Variants in TRPC4 observed in about 807,000 individuals in gnomAD.
TRPC4 encodes transient receptor potential cation channel subfamily C member 4, also known as short transient receptor potential channel 4.
TRPC4 carries 49 observed loss-of-function variants against 99.4 expected under a neutral mutation model. The ratio of observed to expected loss-of-function variants is 0.49; its 90% confidence interval spans 0.39 to 0.63. The LOEUF is 0.63. TRPC4 is among the 20% of genes least tolerant of loss of function. The pLI, the probability that TRPC4 is intolerant of heterozygous loss-of-function variation, is 0.00. For missense variants in TRPC4, 898 were observed against 1,152.9 expected, an observed-to-expected ratio of 0.78 and a Z score of 3.20; for synonymous variants, 454 against 425.9, an observed-to-expected ratio of 1.07 and a Z score of -0.81.
chr13:37,739,192 G>C (rs905367136), intron 3 of TRPC4, among the ~76,000 whole-genome samples: 1 of 152,136 alleles, frequency 6.6e-6, no homozygotes, highest in African/African-American at 2.4e-5. Flanking sequence ...TATAAGGGAA[G>C]GTTTTTCAGA....
intron 1 of TRPC4, among the ~76,000 whole-genome samples, chr13:37,828,847 G>T (rs1958327164): frequency 6.6e-6 from 1 of 152,142 alleles, no homozygotes; most frequent in Non-Finnish European, 1.5e-5. Flanking sequence ...TGTTTGGTGG[G>T]ACTAGGGTGA....
chr13:37,761,888 T>A (rs1298827134), intron 2 of TRPC4, among the ~76,000 whole-genome samples: 1 of 150,166 alleles, frequency 6.7e-6, no homozygotes, highest in African/African-American at 2.5e-5. Context: ...TTAGAATGCA[T>A]GCTTTTTGTT....
rs953502521 is a variant in TRPC4 at position 37,632,907 on chromosome 13, A to G, written c.*3996T>C. 2.6e-5 allele frequency among the ~76,000 whole-genome samples: 4 copies of G among 152,222 alleles called. No individual in the cohort carries two copies. The highest frequency in any genetic ancestry group is 9.6e-5 in the African/African-American group (4 of 41,462). On this transcript the variant is annotated 3_prime_UTR_variant, in exon 11 of 11. Transcript: ENST00000379705. The stretch of plus-strand genomic sequence containing the variant: ...ACTATATTTTCTACAAGGGCAAAGA[A>G]GACAAAATGTTCCCCAAATAAAAAG...
intron 2 of TRPC4, among the ~76,000 whole-genome samples, chr13:37,768,080 A>C (rs1956435853): frequency 6.6e-6 from 1 of 151,514 alleles, no homozygotes; most frequent in Non-Finnish European, 1.5e-5. Context: ...AAAGTGAGAA[A>C]AACTCCATAA....
intron 5 of TRPC4, among the ~76,000 whole-genome samples, chr13:37,666,248 G>T (rs1213753019): frequency 6.6e-6 from 1 of 152,278 alleles, no homozygotes; most frequent in East Asian, 1.9e-4. Flanking sequence ...CAGCTGCACG[G>T]TATGAGTTCT....
At chr13:37,744,652 T>G (rs773239542) in intron 3 of TRPC4, among the ~76,000 whole-genome samples, 2 of 152,188 alleles carry the variant, frequency 1.3e-5, no homozygotes, top group Non-Finnish European at 2.9e-5. Context: ...AGGGCTTATA[T>G]GGGATCATTA....
At chr13:37,703,987 CA>C (rs1471971803) in intron 3 of TRPC4, among the ~76,000 whole-genome samples, 1 of 151,808 alleles carries the variant, frequency 6.6e-6, no homozygotes, top group East Asian at 1.9e-4. Flanking sequence ...ACTGGATAAG[CA>C]AAATATGGTA....
intron 1 of TRPC4, among the ~76,000 whole-genome samples, chr13:37,846,647 G>GA (rs35137055): frequency 0.81 from 120,824 of 149,500 alleles, 48,869 homozygotes; most frequent in East Asian, 0.83. Flanking sequence ...AAGAGAGGAA[G>GA]AAAAAAAAAC....
chr13:37,714,152 T>G (rs78786456), intron 3 of TRPC4, among the ~76,000 whole-genome samples: 2 of 151,774 alleles, frequency 1.3e-5, no homozygotes, highest in African/African-American at 4.8e-5. Context: ...CTCTTTTTTT[T>G]GTCTTACTCT....
At chr13:37,745,215 G>T (rs944615874) in intron 3 of TRPC4, among the ~76,000 whole-genome samples, 1 of 151,590 alleles carries the variant, frequency 6.6e-6, no homozygotes, top group South Asian at 2.1e-4. Context: ...CCAAGCATCT[G>T]TGGGGGATTG....
At chr13:37,805,409 T>G (rs1256058391) in intron 1 of TRPC4, among the ~76,000 whole-genome samples, 3 of 152,020 alleles carry the variant, frequency 2.0e-5, no homozygotes, top group Admixed American at 1.3e-4. Flanking sequence ...ATGCCTTCAC[T>G]GGGGAAGTCT....
At chr13:37,796,518 C>G (rs1957250523) in intron 1 of TRPC4, among the ~76,000 whole-genome samples, 1 of 152,104 alleles carries the variant, frequency 6.6e-6, no homozygotes, top group Non-Finnish European at 1.5e-5. Flanking sequence ...CTGCAATTCT[C>G]TAGTGATGGG....
intron 3 of TRPC4, among the ~76,000 whole-genome samples, chr13:37,730,834 T>C (rs1052029639): frequency 2.0e-5 from 3 of 152,050 alleles, no homozygotes; most frequent in Non-Finnish European, 4.4e-5. Context: ...CAGTCGAAAA[T>C]TGATCAGAAT....
intron 4 of TRPC4, among the ~76,000 whole-genome samples, chr13:37,680,926 T>C (rs746400593): frequency 6.6e-6 from 1 of 152,214 alleles, no homozygotes; most frequent in Non-Finnish European, 1.5e-5. Flanking sequence ...GCATTTATAT[T>C]TCATTATGTC....
intron 3 of TRPC4, among the ~76,000 whole-genome samples, chr13:37,721,030 A>C (rs1341708218): frequency 6.6e-6 from 1 of 152,218 alleles, no homozygotes; most frequent in Non-Finnish European, 1.5e-5. Context: ...ATTCCAAACA[A>C]ATAGCTGCTT....
At chr13:37,811,672 A>T (rs616608) in intron 1 of TRPC4, among the ~76,000 whole-genome samples, 4,960 of 152,170 alleles carry the variant, frequency 0.033, 256 homozygotes, top group African/African-American at 0.11. Context: ...GCCAGGGGAA[A>T]ATCATCTGTG....
chr13:37,636,948 G>A lies in TRPC4; in HGVS notation c.2889C>T (p.Leu963=), dbSNP rs1385032727. The change falls in exon 11 of 11, where the codon CTC becomes CTT. Residue 963 remains leucine, a synonymous_variant. Transcript: ENST00000379705. Reference sequence around the variant, plus strand: ...AATCTTCGTGGGTGACTGTGTCTGGGAGGTTTAGATCATAGTCTATACTAG... The same window carrying A: ...AATCTTCGTGGGTGACTGTGTCTGGAAGGTTTAGATCATAGTCTATACTAG... The part of the protein sequence containing the change: ...EDSSIDYDLN[L]PDTVTHEDYV... The A allele has an allele frequency of 1.2e-6, 2 of 1,613,152 alleles. No individual in the cohort carries two copies. Among genetic ancestry groups the A allele is most frequent in the Non-Finnish European group, 1.7e-6 (2 of 1,179,576 alleles).
chr13:37,786,587 G>C (rs952115015), intron 1 of TRPC4, among the ~76,000 whole-genome samples: 28 of 152,004 alleles, frequency 1.8e-4, no homozygotes, highest in African/African-American at 6.5e-4. Context: ...CTATGGAATT[G>C]CTACTGGATA....
chr13:37,836,624 G>A (rs1185919362), intron 1 of TRPC4, among the ~76,000 whole-genome samples: 1 of 152,128 alleles, frequency 6.6e-6, no homozygotes, highest in Non-Finnish European at 1.5e-5. Context: ...GGTATCTGCT[G>A]GAAGAAATTT....
Sources: gnomAD v4.1 joint callset for allele counts (sites outside exome capture counted in the v4.1 genomes callset) on GRCh38, gnomAD v4.1.1 for gene constraint, MANE v1.5 for transcripts, NCBI Gene and HGNC (gene_info 2026-07-23, HGNC 2026-07-21) for gene names.